SHLD2: variants seen among roughly 807,000 people sequenced by gnomAD.
SHLD2 encodes the protein shieldin complex subunit 2.
In SHLD2, 30 loss-of-function variants were observed where a neutral mutation model predicts 73.2. The ratio of observed to expected loss-of-function variants is 0.41; its 90% confidence interval spans 0.31 to 0.56. SHLD2 has a LOEUF of 0.56. Ranked by LOEUF, SHLD2 falls within the 20% of genes least tolerant of loss-of-function variation. SHLD2 has a pLI of 0.28. For missense variants in SHLD2, 745 were observed against 1,055.9 expected, an observed-to-expected ratio of 0.71 and a Z score of 4.08; for synonymous variants, 285 against 370.1, an observed-to-expected ratio of 0.77 and a Z score of 2.64.
At chr10:87,096,148 C>T (rs911475182) in intron 1 of SHLD2, among the ~76,000 whole-genome samples, 2 of 146,546 alleles carry the variant, frequency 1.4e-5, no homozygotes, top group Non-Finnish European at 3.0e-5. Flanking sequence ...TTCGTTCTAG[C>T]GATTCTCCTG....
At chr10:87,140,431 A>G (rs1845110766) in intron 2 of SHLD2, among the ~76,000 whole-genome samples, 1 of 151,458 alleles carries the variant, frequency 6.6e-6, no homozygotes, top group Admixed American at 6.6e-5. Context: ...AAAAAAAAAA[A>G]AAAAGAAAAA....
At chr10:87,184,648 A>T (rs1358415098) in intron 8 of SHLD2, among the ~76,000 whole-genome samples, 1 of 151,934 alleles carries the variant, frequency 6.6e-6, no homozygotes. Context: ...TTTCCTCTGC[A>T]GTCTCATCTG....
At chr10:87,109,863 C>G (rs981888993) in intron 2 of SHLD2, among the ~76,000 whole-genome samples, 1 of 151,982 alleles carries the variant, frequency 6.6e-6, no homozygotes, top group African/African-American at 2.4e-5. Context: ...CTGTCTTGGC[C>G]GGGTGCAGTG....
chr10:87,170,271 C>A (rs540791344), intron 4 of SHLD2, among the ~76,000 whole-genome samples: 12 of 152,190 alleles, frequency 7.9e-5, no homozygotes, highest in South Asian at 4.2e-4. Context: ...TAAATAATTC[C>A]ATTTCCATTG....
chr10:87,136,516 C>T (rs1177670241), intron 2 of SHLD2, among the ~76,000 whole-genome samples: 9 of 151,534 alleles, frequency 5.9e-5, no homozygotes, highest in Non-Finnish European at 1.3e-4. Flanking sequence ...CTGACAGAGC[C>T]AGAAAATGTA....
intron 2 of SHLD2, among the ~76,000 whole-genome samples, chr10:87,130,626 GCTAT>G (rs376513389): frequency 2.6e-4 from 39 of 152,258 alleles, no homozygotes; most frequent in African/African-American, 7.5e-4. Flanking sequence ...TTCTACAGGC[GCTAT>G]CTGTTACCAG....
intron 8 of SHLD2, among the ~76,000 whole-genome samples, chr10:87,182,124 A>G (rs1012022536): frequency 2.6e-5 from 4 of 152,252 alleles, no homozygotes; most frequent in Admixed American, 1.3e-4. Context: ...TGAAAAGAAA[A>G]TATTGAAATT....
At chr10:87,119,621 A>G (rs536236774) in intron 2 of SHLD2, among the ~76,000 whole-genome samples, 25 of 152,216 alleles carry the variant, frequency 1.6e-4, no homozygotes, top group African/African-American at 5.8e-4. Context: ...TTAGCTAGCC[A>G]TGGTGGCGCG....
intron 2 of SHLD2, among the ~76,000 whole-genome samples, chr10:87,130,243 C>G: frequency 6.6e-6 from 1 of 150,816 alleles, no homozygotes; most frequent in East Asian, 2.0e-4. Flanking sequence ...TGCTGGGGCA[C>G]CCTTCATGTC....
At chr10:87,147,072 G>GAAAAAAAACAAACAAACAAAAAAAAAA (rs1564596468) in intron 2 of SHLD2, among the ~76,000 whole-genome samples, 2 of 95,316 alleles carry the variant, frequency 2.1e-5, no homozygotes, top group South Asian at 8.1e-4. Context: ...AAAAAAAAAA[G>GAAAAAAAACAAACAAACAAAAAAAAAA]AAAAAAAAAA....
intron 7 of SHLD2, among the ~76,000 whole-genome samples, chr10:87,176,310 A>AT (rs1186069663): frequency 1.3e-5 from 2 of 152,002 alleles, no homozygotes; most frequent in African/African-American, 4.8e-5. Flanking sequence ...ACACCCAGCT[A>AT]TTTATTTATT....
chr10:87,137,928 C>T (rs565482820), intron 2 of SHLD2, among the ~76,000 whole-genome samples: 10 of 152,180 alleles, frequency 6.6e-5, no homozygotes, highest in Admixed American at 5.9e-4. Context: ...AAAATGGAGT[C>T]TTAGCTGAGC....
In SHLD2 at chr10:87,166,950, A is replaced by AAT. The variant is rs71477646; in HGVS notation, c.1634-3528_1634-3527insAT. Among the ~76,000 whole-genome samples the AAT allele has an allele frequency of 3.8e-3, 484 of 126,288 alleles. 2 individuals carry two copies. The highest frequency in any genetic ancestry group is 0.013 in the African/African-American group (462 of 36,632). The allele number at this position is 126,288 out of a possible 152,430, so 82.8% of individuals were successfully genotyped here. A position where few individuals can be genotyped will look rare whatever the true frequency, so the allele number is the denominator to read the frequency against. On this transcript the variant is annotated intron_variant, in intron 4 of 9. Coordinates refer to ENST00000298786, the MANE Select transcript of SHLD2 (RefSeq NM_001330112.2). ...TATTTGAAGGTGTTACATTTTGGAA[A>AAT]GTGTGTGTGTGTGTGTGTGTGTGTG... is the stretch of plus-strand genomic sequence containing the variant.
At chr10:87,168,603 A>AAAAT (rs568848026) in intron 4 of SHLD2, among the ~76,000 whole-genome samples, 15 of 149,404 alleles carry the variant, frequency 1.0e-4, no homozygotes, top group East Asian at 5.8e-4. Flanking sequence ...TGTCTCAAAA[A>AAAAT]AAATAAATAA....
Position 87,104,806 on chromosome 10 carries a change from G to A in SHLD2, c.-6+7817G>A, listed in dbSNP as rs190488272. Among the ~76,000 whole-genome samples the A allele has an allele frequency of 2.9e-3, 433 of 151,860 alleles. 1 individual carries two copies. The highest frequency in any genetic ancestry group is 9.3e-3 in the African/African-American group (387 of 41,438). On this transcript the variant is annotated intron_variant, in intron 2 of 9. Transcript: ENST00000298786. Reference sequence around the variant, plus strand: ...CTCCCGAGTAGCTGGGATTACAGGTGCCTGCCACCACGCCCGCCTAATTTT... The same window carrying A: ...CTCCCGAGTAGCTGGGATTACAGGTACCTGCCACCACGCCCGCCTAATTTT...
rs1846005107 is a variant in SHLD2, at chr10:87,151,452, C to G, written c.98C>G (p.Ala33Gly). Residue 33 changes from alanine (A) to glycine (G), a missense_variant, in exon 3 of 10, where the codon GCT becomes GGT. Coordinates refer to ENST00000298786, the MANE Select transcript of SHLD2 (RefSeq NM_001330112.2). ...GACACAGCTTCTTTAATGTCTGTTGCTGACCCCTGGAAAAAAATTCAGCTT... is the reference window on the plus strand; with the variant it reads ...GACACAGCTTCTTTAATGTCTGTTGGTGACCCCTGGAAAAAAATTCAGCTT... ...SEDTASLMSV[A>G]DPWKKIQLLY... The G allele has an allele frequency of 6.2e-7, 1 of 1,610,550 alleles. No individual in the cohort carries two copies. The highest frequency in any genetic ancestry group is 1.3e-5 in the African/African-American group (1 of 74,868).
chr10:87,131,372 C>G (rs1844416624), intron 2 of SHLD2, among the ~76,000 whole-genome samples: 2 of 152,092 alleles, frequency 1.3e-5, no homozygotes, highest in Non-Finnish European at 2.9e-5. Context: ...CTCCCCATTC[C>G]CTCCCTCCCT....
intron 3 of SHLD2, among the ~76,000 whole-genome samples, chr10:87,157,127 C>T (rs1178442692): frequency 6.6e-6 from 1 of 151,778 alleles, no homozygotes; most frequent in African/African-American, 2.4e-5. Flanking sequence ...ATGAGTTGGG[C>T]GCTATGAAAG....
At position 87,151,965 on chromosome 10, in the gene SHLD2, A is replaced by T; in HGVS notation, c.611A>T (p.His204Leu). The change falls in exon 3 of 10, where the codon CAT becomes CTT. Residue 204 changes from histidine (H) to leucine (L), a missense_variant. Physicochemically the swap from His to Leu is moderately conservative, Grantham distance 99. Around this residue, in one of 5 missense-constraint regions of SHLD2, gnomAD observed 280 missense variants for 353.9 expected, o/e 0.79. Transcript: ENST00000298786. ...AGAGAGTGTGTGCCAACAGAATATC[A>T]TGAAATACAAAACCAGTGTTTGGGA... ...VQRECVPTEY[H>L]EIQNQCLGLF... 4 of 1,611,942 alleles carry T rather than the reference A, an allele frequency of 2.5e-6. No individual in the cohort carries two copies. Among genetic ancestry groups the T allele is most frequent in the Non-Finnish European group, 3.4e-6 (4 of 1,179,814 alleles).
Sources: allele counts gnomAD v4.1 joint callset (sites outside exome capture counted in the v4.1 genomes callset), GRCh38; gene constraint gnomAD v4.1.1; regional missense constraint gnomAD v4.1.1; transcripts MANE v1.5; gene names NCBI Gene and HGNC (gene_info 2026-07-23, HGNC 2026-07-21).